The following SVIL variants were observed in gnomAD, a reference collection of about 807,000 sequenced individuals.
The protein encoded by SVIL is supervillin.
Under a neutral mutation model 240.4 loss-of-function variants are expected in SVIL, and 101 were observed. The ratio of observed to expected loss-of-function variants is 0.42; its 90% CI spans 0.36 to 0.50. The LOEUF (loss-of-function observed/expected upper bound fraction) is 0.50. SVIL is among the 20% of genes least tolerant of loss of function. The probability of loss-of-function intolerance (pLI) is 0.01; values close to 1 mark genes in which losing one functional copy is unlikely to be tolerated. For missense variants in SVIL, 2,512 were observed against 2,818.7 expected, an observed-to-expected ratio of 0.89 and a Z score of 2.46; for synonymous variants, 999 against 1,100.0, an observed-to-expected ratio of 0.91 and a Z score of 1.82.
At chr10:29,665,567 T>G (rs910251486) in intron 2 of SVIL, among the ~76,000 whole-genome samples, 9 of 152,094 alleles carry the variant, frequency 5.9e-5, no homozygotes, top group African/African-American at 2.2e-4. Context: ...AGGCCGAGGC[T>G]GGTGGATCAC....
chr10:29,569,340 G>C, intron 1 of SVIL, 28 bp from the exon 2 acceptor site: 2 of 962,342 alleles, frequency 2.1e-6, no homozygotes, highest in East Asian at 2.3e-4. Context: ...ATGTAACATT[G>C]AAATAGTTAT....
chr10:29,664,790 CA>C (rs1270753243), intron 2 of SVIL, among the ~76,000 whole-genome samples: 1 of 151,802 alleles, frequency 6.6e-6, no homozygotes, highest in Non-Finnish European at 1.5e-5. Flanking sequence ...AACAGAAAAA[CA>C]GAATGCAACA....
At chr10:29,619,065 C>CA (rs1474472914) in intron 1 of SVIL, among the ~76,000 whole-genome samples, 14 of 152,208 alleles carry the variant, frequency 9.2e-5, no homozygotes, top group African/African-American at 3.1e-4. Flanking sequence ...AAACACAGAA[C>CA]AAACCATGGC....
intron 18 of SVIL, among the ~76,000 whole-genome samples, chr10:29,497,330 A>T (rs886401768): frequency 7.2e-5 from 11 of 152,244 alleles, no homozygotes; most frequent in African/African-American, 2.7e-4. Context: ...GTGAAAACGT[A>T]TACCACTATG....
At chr10:29,518,107 G>C (rs2368396) in intron 16 of SVIL, among the ~76,000 whole-genome samples, 63,117 of 151,776 alleles carry the variant, frequency 0.42, 13,528 homozygotes, top group African/African-American at 0.48. Flanking sequence ...ATTTTTTTAA[G>C]GCTGGGTGTG....
At chr10:29,691,436 C>T (rs577009657) in intron 1 of SVIL, among the ~76,000 whole-genome samples, 4 of 152,186 alleles carry the variant, frequency 2.6e-5, no homozygotes, top group African/African-American at 9.7e-5. Flanking sequence ...TGGTCTCGAT[C>T]TCCTGACCTC....
chr10:29,626,052 T>C (rs1957852207), intron 1 of SVIL, among the ~76,000 whole-genome samples: 1 of 151,998 alleles, frequency 6.6e-6, no homozygotes, highest in Admixed American at 6.6e-5. Flanking sequence ...GTAGGAGAAA[T>C]TGGAAAGACA....
At chr10:29,530,727 CAA>C (rs1951300438) in intron 10 of SVIL, 59 bp from the exon 11 acceptor site, 4 of 1,597,508 alleles carry the variant, frequency 2.5e-6, no homozygotes, top group Admixed American at 1.7e-5. Context: ...GTTCGGTCTC[CAA>C]AAAGTCTTTC....
chr10:29,560,812 G>A (rs1347181293), intron 3 of SVIL, among the ~76,000 whole-genome samples: 1 of 150,654 alleles, frequency 6.6e-6, no homozygotes, highest in Non-Finnish European at 1.5e-5. Flanking sequence ...AGAGAATTTA[G>A]GTGAAATTCA....
intron 17 of SVIL, among the ~76,000 whole-genome samples, chr10:29,510,359 T>G (rs1429813945): frequency 2.0e-5 from 3 of 152,174 alleles, no homozygotes; most frequent in African/African-American, 7.2e-5. Flanking sequence ...AATTTCAAAA[T>G]GACCTGTGTG....
chr10:29,549,021 C>T (rs1177517369), intron 6 of SVIL, among the ~76,000 whole-genome samples: 1 of 151,852 alleles, frequency 6.6e-6, no homozygotes, highest in African/African-American at 2.4e-5. Context: ...CAAATGGGAT[C>T]TAATTAAACT....
chr10:29,679,288 C>A (rs574260570), intron 2 of SVIL, among the ~76,000 whole-genome samples: 1 of 152,290 alleles, frequency 6.6e-6, no homozygotes, highest in South Asian at 2.1e-4. Context: ...GCTCCACTAA[C>A]TTTTACTAAA....
In SVIL at chr10:29,512,877, G is replaced by A. The variant is rs768151601; in HGVS notation, c.3390-16C>T. ...CAGTGCCAATCTAGGAGGAAAACAT[G>A]CCCGCCACAAAGAGTTCAGCACCAA... On this transcript the variant is annotated splice_polypyrimidine_tract_variant and intron_variant, in intron 16 of 37. Transcript: ENST00000355867. 1 of 1,591,770 alleles carries A rather than the reference G, an allele frequency of 6.3e-7. No homozygotes were observed.
chr10:29,561,336 ACCCAGCATTTCATCCTGT>A (rs1954453761), intron 3 of SVIL, among the ~76,000 whole-genome samples: 2 of 152,042 alleles, frequency 1.3e-5, no homozygotes, highest in South Asian at 4.2e-4. Context: ...ACCTTAAGGA[ACCCAGCATTTCATCCTGT>A]TTTTGATTTT....
intron 1 of SVIL, among the ~76,000 whole-genome samples, chr10:29,589,525 A>G (rs1479312278): frequency 6.6e-6 from 1 of 152,178 alleles, no homozygotes; most frequent in Non-Finnish European, 1.5e-5. Flanking sequence ...TTAAGGCCAA[A>G]TTAGATGGCA....
chr10:29,523,110 C>T (rs12261886), intron 15 of SVIL, among the ~76,000 whole-genome samples: 159 of 152,230 alleles, frequency 1.0e-3, no homozygotes, highest in African/African-American at 3.6e-3. Flanking sequence ...TCAAGTCTTT[C>T]CTGAATTCCT....
chr10:29,581,061 G>A (rs549159779), intron 1 of SVIL, among the ~76,000 whole-genome samples: 2 of 152,328 alleles, frequency 1.3e-5, no homozygotes, highest in South Asian at 4.1e-4. Context: ...AAGTGCTATG[G>A]AAATGATTTT....
chr10:29,505,386 G>A (rs997689479), intron 17 of SVIL, among the ~76,000 whole-genome samples: 2 of 151,862 alleles, frequency 1.3e-5, no homozygotes, highest in Non-Finnish European at 2.9e-5. Context: ...AAGACACAGA[G>A]GAATCGTAAA....
Position 29,465,745 on chromosome 10 carries a change from C to G in SVIL, c.5983G>C (p.Gly1995Arg). ...KAYDCMLQDP[G>R]SFNFAPRLFI... ...AGGCGGGGCGCGAAGTTAAAACTTC[C>G]AGGATCTTTGAAAGAAAAGAGAACA... is the stretch of plus-strand genomic sequence containing the variant. Residue 1995 changes from glycine to arginine, a missense_variant, in exon 34 of 38, where the codon GGA (glycine) becomes CGA (arginine). This residue lies in a region of SVIL where 797 missense variants were observed against 925.3 expected (regional missense o/e 0.86). Coordinates refer to ENST00000355867, the MANE Select transcript of SVIL (RefSeq NM_021738.3). 1 of 1,612,086 alleles carries G rather than the reference C, an allele frequency of 6.2e-7. No individual in the cohort carries two copies.
Sources: allele counts gnomAD v4.1 joint callset (sites outside exome capture counted in the v4.1 genomes callset), GRCh38; gene constraint gnomAD v4.1.1; regional missense constraint gnomAD v4.1.1; transcripts MANE v1.5; gene names NCBI Gene and HGNC (gene_info 2026-07-23, HGNC 2026-07-21).